NDST3: variants seen among roughly 807,000 people sequenced by gnomAD.
NDST3 encodes N-deacetylase and N-sulfotransferase 3.
In NDST3, 58 loss-of-function variants were observed where a neutral mutation model predicts 96.1. The ratio of observed to expected loss-of-function variants is 0.60; its 90% CI spans 0.49 to 0.75. The LOEUF (loss-of-function observed/expected upper bound fraction) is 0.75, where lower values mean the gene tolerates loss of function less well. Among genes scored for constraint, NDST3 ranks in the 30% least tolerant of loss-of-function variants. The pLI is 0.00. For missense variants in NDST3, 788 were observed against 1,034.2 expected, an observed-to-expected ratio of 0.76 and a Z score of 3.27; for synonymous variants, 333 against 359.7, an observed-to-expected ratio of 0.93 and a Z score of 0.84.
chr4:118,055,163 C>T (rs7687849), intron 2 of NDST3: 339,316 of 415,220 alleles, frequency 0.82, 142,690 homozygotes, highest in South Asian at 0.92. Context: ...GAAGTCATTT[C>T]GTTTAATTAC....
Position 118,067,564 on chromosome 4 carries a change from C to T in NDST3, c.981+12673C>T, listed in dbSNP as rs189305971. Among the ~76,000 whole-genome samples the T allele has an allele frequency of 8.1e-4, 123 of 152,216 alleles. 1 individual carries two copies. In the East Asian group the frequency reaches 0.019, roughly 23 times the overall value. On this transcript the variant is annotated intron_variant, in intron 2 of 13. Coordinates refer to ENST00000296499, the MANE Select transcript of NDST3 (RefSeq NM_004784.3). ...CAAGAACTAATTAGTACTCAGTCAC[C>T]ATTCTCAAAGAAGACACAGCTGCTC... is the stretch of plus-strand genomic sequence containing the variant.
intron 6 of NDST3, among the ~76,000 whole-genome samples, chr4:118,169,878 G>A (rs1735817596): frequency 1.3e-5 from 2 of 152,094 alleles, no homozygotes; most frequent in South Asian, 2.1e-4. Flanking sequence ...AACTAGAGCT[G>A]GAAAACCAGG....
At position 118,204,870 on chromosome 4, in the gene NDST3, C is replaced by A. The variant is rs1029727854; in HGVS notation, c.1540-19621C>A. On this transcript the variant is annotated intron_variant, in intron 6 of 13. Transcript: ENST00000296499. ...TAGAAAGCAGAGAAAGTTAACAGAG[C>A]AATTCTAACACAAATATAGTTGCTT... Among the ~76,000 whole-genome samples the A allele has an allele frequency of 2.1e-5, 3 of 144,022 alleles. 1 individual carries two copies. Among genetic ancestry groups the A allele is most frequent in the African/African-American group, 5.1e-5 (2 of 38,990 alleles). The allele number at this position is 144,022 out of a possible 152,430, so 94.5% of individuals were successfully genotyped here. A position where few individuals can be genotyped will look rare whatever the true frequency, so the allele number is the denominator to read the frequency against.
chr4:118,178,192 ATAATG>A, intron 6 of NDST3, among the ~76,000 whole-genome samples: 1 of 152,090 alleles, frequency 6.6e-6, no homozygotes, highest in South Asian at 2.1e-4. Flanking sequence ...TAAAATACAC[ATAATG>A]TAAAATTTAT....
intron 6 of NDST3, among the ~76,000 whole-genome samples, chr4:118,219,420 G>A (rs1739395563): frequency 6.6e-6 from 1 of 151,996 alleles, no homozygotes; most frequent in Admixed American, 6.6e-5. Flanking sequence ...CAACACAACT[G>A]ACAAAAACAA....
chr4:118,218,797 C>T (rs372751208), intron 6 of NDST3, among the ~76,000 whole-genome samples: 5 of 152,138 alleles, frequency 3.3e-5, no homozygotes, highest in East Asian at 1.9e-4. Context: ...AAAACCCCAT[C>T]GTCTCAGCTC....
intron 2 of NDST3, chr4:118,055,130 T>G: frequency 1.9e-6 from 1 of 538,618 alleles, no homozygotes; most frequent in Admixed American, 3.2e-5. Flanking sequence ...AATGGTTTTC[T>G]ACATGTATTT....
rs1740519289 is a variant in NDST3 at position 118,234,613 on chromosome 4, T to C, written c.1943+1478T>C. Among the ~76,000 whole-genome samples the C allele has an allele frequency of 5.3e-5, 8 of 152,108 alleles. No homozygotes were observed. In the South Asian group the frequency reaches 1.5e-3, roughly 28 times the overall value. On this transcript the variant is annotated intron_variant, in intron 9 of 13. Transcript: ENST00000296499. ...ATAATTGGATTCCCTAGGATGTTTT[T>C]TCAAAGAACATATTTTTGAAAAATT... is the stretch of plus-strand genomic sequence containing the variant.
chr4:118,233,119 C>G lies in NDST3; in HGVS notation c.1927C>G (p.His643Asp). 6.2e-7 allele frequency: 1 copy of G among 1,612,272 alleles called. No homozygotes were observed. The highest frequency in any genetic ancestry group is 8.5e-7 in the Non-Finnish European group (1 of 1,178,548). The change falls in exon 9 of 14, where the codon CAC (histidine) becomes GAC (aspartate). Residue 643 changes from histidine to aspartate, a missense_variant. Transcript: ENST00000296499. ...ACAGTTCTTTAATAGAAATAACTAC[C>G]ACAGGGGGATTGATTGGTAAGATGG... ...EVQFFNRNNYHRGIDWYMDFF... is the reference protein window; with the variant it reads ...EVQFFNRNNYDRGIDWYMDFF...
At chr4:118,042,712 A>G (rs1388770163) in intron 1 of NDST3, among the ~76,000 whole-genome samples, 1 of 152,194 alleles carries the variant, frequency 6.6e-6, no homozygotes, top group Non-Finnish European at 1.5e-5. Flanking sequence ...AGCTAAGCAC[A>G]TTGTAACCAT....
intron 6 of NDST3, among the ~76,000 whole-genome samples, chr4:118,176,831 A>G (rs914474255): frequency 1.3e-5 from 2 of 152,094 alleles, no homozygotes; most frequent in African/African-American, 4.8e-5. Flanking sequence ...AAAATAATCA[A>G]TGGAATTTGA....
At chr4:118,150,026 G>C (rs2125914528) in intron 6 of NDST3, among the ~76,000 whole-genome samples, 1 of 151,418 alleles carries the variant, frequency 6.6e-6, no homozygotes, top group Non-Finnish European at 1.5e-5. Flanking sequence ...TGTGGTTTTT[G>C]TCTTTGGTTC....
Position 118,093,742 on chromosome 4 carries a change from AG to A in NDST3, c.982-11275del, listed in dbSNP as rs1406976519. Among the ~76,000 whole-genome samples, 3 of 151,866 alleles carry A rather than the reference AG, an allele frequency of 2.0e-5. No homozygotes were observed. In the Admixed American group the frequency reaches 2.0e-4, roughly 10 times the overall value. ...TAAAATAAAGTGACTTTTAAGTGAG[AG>A]CATGAAACCCTTTCTTAAAGAATAA... On this transcript the variant is annotated intron_variant, in intron 2 of 13. Coordinates refer to ENST00000296499, the MANE Select transcript of NDST3 (RefSeq NM_004784.3).
chr4:118,255,455 G>A (rs545720140), intron 13 of NDST3, 138 bp from the exon 14 acceptor site: 2 of 891,890 alleles, frequency 2.2e-6, no homozygotes, highest in South Asian at 4.2e-5. Flanking sequence ...CATAGCATGT[G>A]CTAAATAAAT....
chr4:118,034,293 T>G (rs1303728516), upstream of NDST3: 5 of 152,254 alleles, frequency 3.3e-5, no homozygotes, highest in Non-Finnish European at 5.9e-5. Context: ...TCGGGCATCC[T>G]GTTATTCATC....
intron 6 of NDST3, among the ~76,000 whole-genome samples, chr4:118,149,732 T>C (rs7665014): frequency 0.016 from 2,349 of 149,718 alleles, 18 homozygotes; most frequent in Middle Eastern, 0.072. Context: ...CTTTTCCTAA[T>C]TGAATACCCT....
chr4:118,052,997 G>A (rs540739170), intron 1 of NDST3, among the ~76,000 whole-genome samples: 9 of 151,972 alleles, frequency 5.9e-5, no homozygotes, highest in South Asian at 2.1e-4. Context: ...CTCAAAAAGC[G>A]GAAATAGAAT....
intron 6 of NDST3, among the ~76,000 whole-genome samples, chr4:118,187,736 A>C (rs1737057943): frequency 6.6e-6 from 1 of 152,200 alleles, no homozygotes; most frequent in Admixed American, 6.6e-5. Flanking sequence ...CTTGGGAAAA[A>C]GCCATCCACA....
intron 6 of NDST3, chr4:118,194,488 A>C: frequency 1.4e-6 from 1 of 721,936 alleles, no homozygotes; most frequent in Non-Finnish European, 2.6e-6. Context: ...CAATGTCCCA[A>C]GCCTTGTTGA....
Sources: gnomAD v4.1 joint callset for allele counts (sites outside exome capture counted in the v4.1 genomes callset) on GRCh38, gnomAD v4.1.1 for gene constraint, MANE v1.5 for transcripts, NCBI Gene and HGNC (gene_info 2026-07-23, HGNC 2026-07-21) for gene names.